ANKS1B: variants seen among roughly 807,000 people sequenced by gnomAD.
The protein encoded by ANKS1B is ankyrin repeat and sterile alpha motif domain containing 1B, also known as ankyrin repeat and sterile alpha motif domain-containing protein 1B.
In ANKS1B, 36 loss-of-function variants were observed where a neutral mutation model predicts 148.3. The ratio of observed to expected loss-of-function variants is 0.24; its 90% CI spans 0.19 to 0.32. The LOEUF is 0.32. Ranked by LOEUF, ANKS1B falls within the 10% of genes least tolerant of loss-of-function variation. ANKS1B has a pLI of 1.00. For synonymous variants in ANKS1B, 542 were observed against 560.8 expected, an observed-to-expected ratio of 0.97 and a Z score of 0.47; for missense variants, 1,157 against 1,542.6, an observed-to-expected ratio of 0.75 and a Z score of 4.19.
At chr12:99,344,039 T>C (rs1406682232) in intron 12 of ANKS1B, among the ~76,000 whole-genome samples, 1 of 152,040 alleles carries the variant, frequency 6.6e-6, no homozygotes, top group Non-Finnish European at 1.5e-5. Flanking sequence ...TAAACCTGCA[T>C]TGTGTTAGAC....
At chr12:98,927,610 T>A (rs2099809921) in intron 17 of ANKS1B, among the ~76,000 whole-genome samples, 1 of 151,930 alleles carries the variant, frequency 6.6e-6, no homozygotes. Context: ...CATAAAGATA[T>A]AATTTCTATG....
chr12:98,810,778 C>A (rs944057362), intron 19 of ANKS1B, among the ~76,000 whole-genome samples: 9 of 152,246 alleles, frequency 5.9e-5, no homozygotes, highest in Non-Finnish European at 8.8e-5. Context: ...GACTGCATCA[C>A]TTCCTGGTCA....
chr12:99,679,345 G>A (rs543092177), intron 8 of ANKS1B, among the ~76,000 whole-genome samples: 1 of 152,232 alleles, frequency 6.6e-6, no homozygotes, highest in East Asian at 1.9e-4. Context: ...GTCTGGCTAG[G>A]TCACCCAGGC....
chr12:99,590,730 G>T (rs1223170543), intron 9 of ANKS1B, among the ~76,000 whole-genome samples: 1 of 152,170 alleles, frequency 6.6e-6, no homozygotes, highest in Non-Finnish European at 1.5e-5. Context: ...AAAAGAAGTG[G>T]TGTTCACTGA....
intron 14 of ANKS1B, among the ~76,000 whole-genome samples, chr12:99,226,009 C>T (rs1490976928): frequency 6.6e-6 from 1 of 152,120 alleles, no homozygotes; most frequent in Admixed American, 6.5e-5. Flanking sequence ...CTAGTTCATA[C>T]CTTTTACTAC....
At chr12:99,748,565 T>C (rs558209231) in intron 8 of ANKS1B, among the ~76,000 whole-genome samples, 2 of 152,194 alleles carry the variant, frequency 1.3e-5, no homozygotes, top group Non-Finnish European at 2.9e-5. Context: ...TATATACTTA[T>C]GCCAGAATTT....
chr12:99,077,711 G>A (rs1045861904), intron 16 of ANKS1B, among the ~76,000 whole-genome samples: 1 of 152,284 alleles, frequency 6.6e-6, no homozygotes, highest in African/African-American at 2.4e-5. Flanking sequence ...GAATGACTCT[G>A]TTCTCTTGAA....
intron 1 of ANKS1B, among the ~76,000 whole-genome samples, chr12:99,907,882 T>A (rs887561699): frequency 6.7e-6 from 1 of 148,186 alleles, no homozygotes; most frequent in Non-Finnish European, 1.5e-5. Context: ...GTTAATAGGA[T>A]GTTCACCTTA....
chr12:99,822,284 CT>C (rs947887799), intron 2 of ANKS1B, among the ~76,000 whole-genome samples: 2 of 151,984 alleles, frequency 1.3e-5, no homozygotes, highest in Non-Finnish European at 2.9e-5. Flanking sequence ...ACCATTTCTA[CT>C]TTTTAAAAAA....
intron 1 of ANKS1B, among the ~76,000 whole-genome samples, chr12:99,918,291 C>T (rs146673539): frequency 6.6e-6 from 1 of 152,320 alleles, no homozygotes; most frequent in Non-Finnish European, 1.5e-5. Flanking sequence ...GAAATTTGTC[C>T]ATCCTCAGTA....
chr12:99,735,050 T>G (rs1666795151), intron 8 of ANKS1B, among the ~76,000 whole-genome samples: 1 of 152,162 alleles, frequency 6.6e-6, no homozygotes, highest in African/African-American at 2.4e-5. Context: ...CATAGCCTCT[T>G]AACATCTCCA....
At position 99,913,139 on chromosome 12, in the gene ANKS1B, T is replaced by G. The variant is rs7137826; in HGVS notation, c.134+70965A>C. 2.1e-3 allele frequency among the ~76,000 whole-genome samples: 326 copies of G among 152,316 alleles called. 1 individual carries two copies. Among genetic ancestry groups the G allele is most frequent in the African/African-American group, 7.6e-3 (314 of 41,578 alleles). On this transcript the variant is annotated intron_variant, in intron 1 of 26. Transcript: ENST00000683438. ...ATAACCATTTTGCTTCTACCATACT[T>G]ACTCTCACATTCCTTCCCTAGCTTG...
chr12:99,288,063 G>C (rs1033921523), intron 12 of ANKS1B, among the ~76,000 whole-genome samples: 1 of 152,010 alleles, frequency 6.6e-6, no homozygotes, highest in African/African-American at 2.4e-5. Flanking sequence ...AGAACAAGAA[G>C]GTTCTATAAC....
At chr12:99,648,337 A>G in intron 9 of ANKS1B, 1 of 1,614,194 alleles carries the variant, frequency 6.2e-7, no homozygotes, top group Non-Finnish European at 8.5e-7. Flanking sequence ...CCAGATCAGC[A>G]AAAGAGGAGA....
intron 14 of ANKS1B, among the ~76,000 whole-genome samples, chr12:99,243,152 T>A (rs1055588086): frequency 6.6e-6 from 1 of 152,164 alleles, no homozygotes; most frequent in African/African-American, 2.4e-5. Context: ...ATATCCAAAA[T>A]CTACAAAGAA....
intron 8 of ANKS1B, among the ~76,000 whole-genome samples, chr12:99,715,548 C>T (rs1394612705): frequency 1.3e-5 from 2 of 152,200 alleles, no homozygotes; most frequent in Non-Finnish European, 2.9e-5. Flanking sequence ...TTATTGCTCA[C>T]ACAAAGCCAG....
chr12:99,670,116 C>T (rs549867083), intron 8 of ANKS1B, among the ~76,000 whole-genome samples: 64 of 152,198 alleles, frequency 4.2e-4, no homozygotes, highest in African/African-American at 1.4e-3. Context: ...TAAAAGAAGA[C>T]GTGTATTATT....
chr12:98,781,073 G>A (rs1308260857), intron 24 of ANKS1B, 44 bp downstream of exon 24: 1 of 1,219,478 alleles, frequency 8.2e-7, no homozygotes, highest in East Asian at 2.5e-5. Flanking sequence ...CATACACTCA[G>A]GACTGCATCT....
intron 17 of ANKS1B, among the ~76,000 whole-genome samples, chr12:98,951,562 G>A (rs2099854132): frequency 6.6e-6 from 1 of 152,090 alleles, no homozygotes; most frequent in Admixed American, 6.6e-5. Context: ...TGACTCGGTA[G>A]CCTGGCATCT....
Sources: allele counts gnomAD v4.1 joint callset (sites outside exome capture counted in the v4.1 genomes callset), GRCh38; gene constraint gnomAD v4.1.1; transcripts MANE v1.5; gene names NCBI Gene and HGNC (gene_info 2026-07-23, HGNC 2026-07-21).